IRAK1BP1: variants seen among roughly 807,000 people sequenced by gnomAD.
IRAK1BP1 encodes the protein interleukin-1 receptor-associated kinase 1-binding protein 1.
IRAK1BP1 carries 24 observed loss-of-function variants against 28.0 expected under a neutral mutation model. The ratio of observed to expected loss-of-function variants is 0.86; its 90% CI spans 0.62 to 1.20. The LOEUF is 1.20. Among genes scored for constraint, IRAK1BP1 ranks in the 50% most tolerant of loss-of-function variants. The pLI is 0.00. For missense variants in IRAK1BP1, 336 were observed against 316.7 expected, an observed-to-expected ratio of 1.06 and a Z score of -0.46; for synonymous variants, 131 against 116.3, an observed-to-expected ratio of 1.13 and a Z score of -0.81.
chr6:78,895,112 CAAA>C (rs529424880), intron 2 of IRAK1BP1, among the ~76,000 whole-genome samples: 4 of 109,646 alleles, frequency 3.6e-5, no homozygotes, highest in Admixed American at 9.7e-5. Context: ...GACTCCATCT[CAAA>C]AAAAAAAAAA....
chr6:78,903,318 A>G (rs1299424844), downstream of IRAK1BP1, among the ~76,000 whole-genome samples: 1 of 151,796 alleles, frequency 6.6e-6, no homozygotes, highest in East Asian at 1.9e-4. Context: ...CCCCGTCTCT[A>G]CTAAAAATAC....
chr6:78,932,421 C>CTTTTT (rs386407659), intron 4 of IRAK1BP1, among the ~76,000 whole-genome samples: 3 of 123,702 alleles, frequency 2.4e-5, no homozygotes, highest in South Asian at 2.6e-4. Context: ...CTTTCTTTTT[C>CTTTTT]TTTTTTTTTT....
chr6:78,880,318 A>C (rs1489629081), intron 1 of IRAK1BP1, among the ~76,000 whole-genome samples: 1 of 152,214 alleles, frequency 6.6e-6, no homozygotes, highest in Non-Finnish European at 1.5e-5. Context: ...AATTCTCCAA[A>C]GAGCATTTTC....
chr6:78,939,891 T>C (rs547623912), intron 4 of IRAK1BP1: 2 of 152,624 alleles, frequency 1.3e-5, no homozygotes, highest in African/African-American at 2.4e-5. Flanking sequence ...TTAGAATATA[T>C]AGCCTTTCCA....
chr6:78,876,708 T>C (rs1180133242), intron 1 of IRAK1BP1, among the ~76,000 whole-genome samples: 1 of 152,162 alleles, frequency 6.6e-6, no homozygotes, highest in African/African-American at 2.4e-5. Context: ...GTTTTAAAAC[T>C]GGCAGGTCCA....
the IRAK1BP1 span, chr6:78,958,444 T>C: frequency 3.2e-6 from 4 of 1,263,074 alleles, no homozygotes; most frequent in East Asian, 9.3e-5. Context: ...TTATTAAAAC[T>C]ATCATAATTA....
chr6:78,903,002 A>G lies in IRAK1BP1; in HGVS notation c.*4668A>G, dbSNP rs1209713864. The G allele has an allele frequency of 6.6e-7, 1 of 1,511,402 alleles. No individual in the cohort carries two copies. The highest frequency in any genetic ancestry group is 1.4e-5 in the African/African-American group (1 of 72,354). 93.6% of individuals were successfully genotyped at this position (1,511,402 alleles called of 1,614,324 possible). A position where few individuals can be genotyped will look rare whatever the true frequency, so the allele number is the denominator to read the frequency against. On this transcript the variant is annotated 3_prime_UTR_variant, in exon 4 of 4. Coordinates refer to ENST00000369940, the MANE Select transcript of IRAK1BP1 (RefSeq NM_001010844.4). ...ATATTTCTGTTTCAGCAACTCCTGG[A>G]ATCCTTCTTCAACATCCCAACCAAC...
chr6:78,908,749 A>G (rs961368090), intron 4 of IRAK1BP1, among the ~76,000 whole-genome samples: 1 of 152,202 alleles, frequency 6.6e-6, no homozygotes, highest in Non-Finnish European at 1.5e-5. Context: ...TGGAAAATCA[A>G]TGTGCAATAT....
chr6:78,969,748 T>C, the IRAK1BP1 span: 6 of 605,924 alleles, frequency 9.9e-6, no homozygotes, highest in African/African-American at 3.8e-5. Flanking sequence ...TCTGATAATC[T>C]TTTTCTCAAT....
chr6:78,929,686 T>C (rs182196265), intron 4 of IRAK1BP1, among the ~76,000 whole-genome samples: 14 of 152,238 alleles, frequency 9.2e-5, no homozygotes, highest in Non-Finnish European at 1.6e-4. Context: ...AAAATAAAAA[T>C]TGAAATTATA....
chr6:78,878,648 CTT>C (rs1291430983), intron 1 of IRAK1BP1, among the ~76,000 whole-genome samples: 2 of 152,206 alleles, frequency 1.3e-5, no homozygotes, highest in African/African-American at 2.4e-5. Context: ...CTGAGAATGA[CTT>C]TGACAAGTTG....
At chr6:78,921,785 G>C (rs1772738054) in intron 4 of IRAK1BP1, among the ~76,000 whole-genome samples, 1 of 152,190 alleles carries the variant, frequency 6.6e-6, no homozygotes, top group Non-Finnish European at 1.5e-5. Flanking sequence ...CTGTTCTGCA[G>C]CCTCTGCTAC....
Position 78,899,434 on chromosome 6 carries a change from GA to G in IRAK1BP1, c.*1102del, listed in dbSNP as rs1274238448. On this transcript the variant is annotated 3_prime_UTR_variant, in exon 4 of 4. Transcript: ENST00000369940. ...AAATAATTCATAGCTTTTTACAAAAGAATAATGAGGTATAATAGGAAAATGT... is the reference window on the plus strand; with the variant it reads ...AAATAATTCATAGCTTTTTACAAAAGATAATGAGGTATAATAGGAAAATGT... 6.6e-6 allele frequency: 1 copy of G among 152,154 alleles called. No homozygotes were observed. Among genetic ancestry groups the G allele is most frequent in the East Asian group, 1.9e-4 (1 of 5,198 alleles). 9.4% of individuals were successfully genotyped at this position (152,154 alleles called of 1,614,324 possible). A position where few individuals can be genotyped will look rare whatever the true frequency, so the allele number is the denominator to read the frequency against.
the IRAK1BP1 span, among the ~76,000 whole-genome samples, chr6:78,969,612 A>C: frequency 1.3e-5 from 2 of 152,184 alleles, no homozygotes; most frequent in African/African-American, 4.8e-5. Flanking sequence ...ATAAAGTCAA[A>C]TGTAACAGAA....
intron 4 of IRAK1BP1, among the ~76,000 whole-genome samples, chr6:78,921,084 C>A (rs558839654): frequency 6.6e-6 from 1 of 152,144 alleles, no homozygotes; most frequent in African/African-American, 2.4e-5. Context: ...GGGTGCAGGA[C>A]AGAGGGTGCA....
At chr6:78,940,962 C>T in intron 4 of IRAK1BP1, 2 of 1,614,010 alleles carry the variant, frequency 1.2e-6, no homozygotes, top group Non-Finnish European at 1.7e-6. Flanking sequence ...TTGACACTTG[C>T]AGGGACTAGG....
chr6:78,892,349 C>A (rs1392298456), intron 2 of IRAK1BP1, among the ~76,000 whole-genome samples: 1 of 152,126 alleles, frequency 6.6e-6, no homozygotes, highest in African/African-American at 2.4e-5. Flanking sequence ...ACATGCAAGA[C>A]TGAATTAACT....
chr6:78,946,662 T>G, downstream of IRAK1BP1: 1 of 1,485,628 alleles, frequency 6.7e-7, no homozygotes, highest in East Asian at 2.5e-5. Context: ...TTCTATCATT[T>G]AGATGAAAGT....
At chr6:78,878,518 T>C (rs1301804971) in intron 1 of IRAK1BP1, among the ~76,000 whole-genome samples, 1 of 151,980 alleles carries the variant, frequency 6.6e-6, no homozygotes, top group Non-Finnish European at 1.5e-5. Flanking sequence ...AGACCAAAGG[T>C]AGATCAAACC....
Sources: gnomAD v4.1 joint callset for allele counts (sites outside exome capture counted in the v4.1 genomes callset) on GRCh38, gnomAD v4.1.1 for gene constraint, MANE v1.5 for transcripts, NCBI Gene and HGNC (gene_info 2026-07-23, HGNC 2026-07-21) for gene names.